KCNH5: variants seen among roughly 807,000 people sequenced by gnomAD.
The protein encoded by KCNH5 is potassium voltage-gated channel subfamily H member 5.
KCNH5 carries 46 observed loss-of-function variants against 96.1 expected under a neutral mutation model. That is an observed-to-expected ratio of 0.48 (90% CI 0.38 to 0.61). The LOEUF is 0.61. Ranked by LOEUF, KCNH5 falls within the 20% of genes least tolerant of loss-of-function variation. KCNH5 has a pLI of 0.00. For synonymous variants in KCNH5, 439 were observed against 449.8 expected, an observed-to-expected ratio of 0.98 and a Z score of 0.30; for missense variants, 907 against 1,225.8, an observed-to-expected ratio of 0.74 and a Z score of 3.88.
intron 7 of KCNH5, among the ~76,000 whole-genome samples, chr14:62,926,620 C>T (rs1450676348): frequency 1.3e-5 from 2 of 152,046 alleles, no homozygotes; most frequent in Admixed American, 6.6e-5. Context: ...CTGGTGAGGG[C>T]CCTCTTCCTA....
rs568494279 is a variant in KCNH5 at position 62,721,622 on chromosome 14, A to AT, written c.2020-13168dup. ...TTGCCCCCAAACTGATTCTTAACAT[A>AT]TTTTTTTTAATACAATGGATTTTAA... On this transcript the variant is annotated intron_variant, in intron 10 of 10. Transcript: ENST00000322893. Among the ~76,000 whole-genome samples the AT allele has an allele frequency of 2.2e-4, 33 of 151,902 alleles. No individual in the cohort carries two copies. In the South Asian group the frequency reaches 6.0e-3, roughly 28 times the overall value.
chr14:62,977,631 C>G (rs555426561), intron 6 of KCNH5, among the ~76,000 whole-genome samples: 2 of 152,104 alleles, frequency 1.3e-5, no homozygotes, highest in Admixed American at 1.3e-4. Context: ...AAAATGGTTG[C>G]CTCTAGGGTC....
At chr14:62,828,259 A>C (rs1887267650) in intron 8 of KCNH5, among the ~76,000 whole-genome samples, 1 of 151,928 alleles carries the variant, frequency 6.6e-6, no homozygotes, top group African/African-American at 2.4e-5. Flanking sequence ...TTTGTGGGAG[A>C]TAGGCTTTCA....
chr14:62,954,356 A>G (rs1890061474), intron 6 of KCNH5, among the ~76,000 whole-genome samples: 2 of 152,168 alleles, frequency 1.3e-5, no homozygotes, highest in South Asian at 4.1e-4. Context: ...AACAATTTTC[A>G]CTGTCACACT....
intron 7 of KCNH5, among the ~76,000 whole-genome samples, chr14:62,881,037 C>T (rs1465028093): frequency 6.6e-6 from 1 of 152,256 alleles, no homozygotes; most frequent in African/African-American, 2.4e-5. Context: ...TTACCTAAAT[C>T]GGTCACTTTT....
intron 5 of KCNH5, among the ~76,000 whole-genome samples, chr14:62,982,079 T>C (rs906032312): frequency 1.1e-4 from 16 of 152,062 alleles, no homozygotes; most frequent in African/African-American, 3.9e-4. Context: ...ACCTGGAACC[T>C]GGGAATTATA....
intron 7 of KCNH5, among the ~76,000 whole-genome samples, chr14:62,862,280 C>T (rs903503592): frequency 6.6e-6 from 1 of 152,004 alleles, no homozygotes; most frequent in Non-Finnish European, 1.5e-5. Context: ...CTGAAGTGGC[C>T]GGCACTGCCA....
chr14:62,756,539 A>G lies in KCNH5; in HGVS notation c.2019+23189T>C, dbSNP rs191891009. Reference sequence around the variant, plus strand: ...AAAACTGTAGAAATCATATTAACTGACTTCAAATTATACAACAGAGCTACT... The same window carrying G: ...AAAACTGTAGAAATCATATTAACTGGCTTCAAATTATACAACAGAGCTACT... On this transcript the variant is annotated intron_variant, in intron 10 of 10. Transcript: ENST00000322893. Among the ~76,000 whole-genome samples, 581 of 152,332 alleles carry G rather than the reference A, an allele frequency of 3.8e-3. 6 individuals are homozygous for G. The highest frequency in any genetic ancestry group is 0.013 in the African/African-American group (556 of 41,582).
chr14:62,819,441 G>T (rs563911527), intron 8 of KCNH5, among the ~76,000 whole-genome samples: 1 of 152,228 alleles, frequency 6.6e-6, no homozygotes, highest in Non-Finnish European at 1.5e-5. Context: ...ATAGAACAGT[G>T]GTTGTCAGGG....
At chr14:62,847,151 T>A (rs1266028834) in intron 8 of KCNH5, among the ~76,000 whole-genome samples, 2 of 120,172 alleles carry the variant, frequency 1.7e-5, no homozygotes, top group African/African-American at 2.7e-5. Context: ...TTTATATATT[T>A]TTTATATATA....
At chr14:63,010,497 T>G (rs572965133) in intron 2 of KCNH5, among the ~76,000 whole-genome samples, 1 of 152,254 alleles carries the variant, frequency 6.6e-6, no homozygotes, top group African/African-American at 2.4e-5. Context: ...TCTTCTTTCT[T>G]CACAAGCCCA....
At chr14:62,792,930 G>A (rs527296851) in intron 9 of KCNH5, among the ~76,000 whole-genome samples, 3 of 151,828 alleles carry the variant, frequency 2.0e-5, no homozygotes, top group Admixed American at 6.6e-5. Flanking sequence ...TAAAGAAAAC[G>A]TGGCGTATGC....
At chr14:63,010,636 C>G (rs117715529) in intron 2 of KCNH5, among the ~76,000 whole-genome samples, 3 of 152,310 alleles carry the variant, frequency 2.0e-5, no homozygotes, top group African/African-American at 4.8e-5. Context: ...CTAGGCCATA[C>G]CCAGCTCGCC....
chr14:62,933,069 C>A (rs1014280863), intron 7 of KCNH5, among the ~76,000 whole-genome samples: 6 of 152,158 alleles, frequency 3.9e-5, no homozygotes, highest in African/African-American at 1.4e-4. Context: ...TAATGGGAGA[C>A]AACAGGCTGA....
At chr14:62,818,199 A>G (rs1388981781) in intron 8 of KCNH5, among the ~76,000 whole-genome samples, 1 of 150,660 alleles carries the variant, frequency 6.6e-6, no homozygotes, top group Non-Finnish European at 1.5e-5. Context: ...CCTAATGTGC[A>G]CCTTGTTGAC....
intron 10 of KCNH5, among the ~76,000 whole-genome samples, chr14:62,770,479 C>A (rs1885962199): frequency 1.3e-5 from 2 of 152,196 alleles, no homozygotes; most frequent in Non-Finnish European, 2.9e-5. Context: ...CATAACATTG[C>A]CAGCTGGCTT....
chr14:62,875,954 G>T (rs1888364482), intron 7 of KCNH5, among the ~76,000 whole-genome samples: 1 of 152,202 alleles, frequency 6.6e-6, no homozygotes, highest in Non-Finnish European at 1.5e-5. Flanking sequence ...AAATCATGAG[G>T]TCAGGAGTTT....
At chr14:62,834,996 A>G (rs1019631325) in intron 8 of KCNH5, among the ~76,000 whole-genome samples, 1 of 152,000 alleles carries the variant, frequency 6.6e-6, no homozygotes, top group Non-Finnish European at 1.5e-5. Flanking sequence ...AATATACTCT[A>G]CTGCTTGCAA....
intron 7 of KCNH5, among the ~76,000 whole-genome samples, chr14:62,897,887 G>T (rs1888846484): frequency 6.6e-6 from 1 of 152,040 alleles, no homozygotes; most frequent in Non-Finnish European, 1.5e-5. Flanking sequence ...CGTTAAATCA[G>T]TCCCATGGAA....
Sources: allele counts gnomAD v4.1 joint callset (sites outside exome capture counted in the v4.1 genomes callset), GRCh38; gene constraint gnomAD v4.1.1; transcripts MANE v1.5; gene names NCBI Gene and HGNC (gene_info 2026-07-23, HGNC 2026-07-21).